RTL4: variants seen among roughly 807,000 people sequenced by gnomAD.
The protein encoded by RTL4 is retrotransposon Gag-like protein 4.
In RTL4, 4 loss-of-function variants were observed where a neutral mutation model predicts 5.3. The observed-to-expected ratio is 0.75, with a 90% CI of 0.37 to 1.72. The LOEUF (loss-of-function observed/expected upper bound fraction) is 1.72. RTL4 is among the 40% of genes most tolerant of loss of function. The pLI is 0.04. For missense variants in RTL4, 260 were observed against 227.1 expected, an observed-to-expected ratio of 1.14 and a Z score of -0.93; for synonymous variants, 98 against 87.3, an observed-to-expected ratio of 1.12 and a Z score of -0.68.
the RTL4 span, among the ~76,000 whole-genome samples, chrX:112,104,217 C>T: frequency 8.9e-6 from 1 of 112,331 alleles, no homozygotes; most frequent in East Asian, 2.8e-4. Flanking sequence ...CATGTTATCA[C>T]AAATGACAGG....
chrX:112,455,824 G>A, exon 1 of RTL4: 1 of 478,233 alleles, frequency 2.1e-6, no homozygotes, highest in Non-Finnish European at 3.3e-6. Context: ...CTTGTTCATT[G>A]GCAAATTACC....
At chrX:112,200,491 AATG>A in the RTL4 span, among the ~76,000 whole-genome samples, 1 of 112,153 alleles carries the variant, frequency 8.9e-6, no homozygotes, top group Non-Finnish European at 1.9e-5. Flanking sequence ...TGAGAGAATA[AATG>A]GCTTGAAGTT....
chrX:112,362,121 C>A, the RTL4 span, among the ~76,000 whole-genome samples: 1 of 112,080 alleles, frequency 8.9e-6, no homozygotes, highest in African/African-American at 3.2e-5. Flanking sequence ...GAAATGACAG[C>A]AACGATATCT....
chrX:112,287,089 G>A, the RTL4 span, among the ~76,000 whole-genome samples: 2 of 111,733 alleles, frequency 1.8e-5, no homozygotes, highest in African/African-American at 3.3e-5. Context: ...CAGGAAAAAC[G>A]TCTTACTTAT....
chrX:112,388,168 T>C, the RTL4 span, among the ~76,000 whole-genome samples: 2 of 112,228 alleles, frequency 1.8e-5, no homozygotes, highest in Non-Finnish European at 3.8e-5. Flanking sequence ...TATTTTATTT[T>C]TGTGGCAATT....
chrX:112,361,906 T>C, the RTL4 span, among the ~76,000 whole-genome samples: 1 of 111,546 alleles, frequency 9.0e-6, no homozygotes, highest in Non-Finnish European at 1.9e-5. Context: ...CAATTGGAAT[T>C]GACTAAATTC....
At chrX:112,088,066 G>A in the RTL4 span, among the ~76,000 whole-genome samples, 2 of 105,208 alleles carry the variant, frequency 1.9e-5, no homozygotes, top group East Asian at 3.0e-4. Flanking sequence ...GTCCAGGCAC[G>A]TCTCAAACTC....
the RTL4 span, among the ~76,000 whole-genome samples, chrX:112,390,137 ATATATATATATATATATATATATT>A: frequency 4.9e-5 from 2 of 41,221 alleles, no homozygotes; most frequent in Admixed American, 3.2e-4. Context: ...ATATATATAT[ATATATATATATATATATATATATT>A]TAGGATCGTG....
chrX:112,250,577 C>T, the RTL4 span, among the ~76,000 whole-genome samples: 9 of 111,719 alleles, frequency 8.1e-5, no homozygotes, highest in Non-Finnish European at 1.7e-4. Context: ...TCCAGGATAG[C>T]GTCACATATA....
chrX:112,230,592 G>A, the RTL4 span, among the ~76,000 whole-genome samples: 194 of 112,303 alleles, frequency 1.7e-3, 1 homozygote, highest in African/African-American at 6.0e-3. Flanking sequence ...GAAATCACCC[G>A]TCTTCTGCAT....
chrX:112,107,190 A>G, the RTL4 span, among the ~76,000 whole-genome samples: 1 of 112,053 alleles, frequency 8.9e-6, no homozygotes, highest in East Asian at 2.8e-4. Flanking sequence ...TCACACAAGA[A>G]GAAACTCTAC....
the RTL4 span, among the ~76,000 whole-genome samples, chrX:112,087,562 C>A: frequency 1.8e-5 from 2 of 111,109 alleles, no homozygotes; most frequent in Non-Finnish European, 3.8e-5. Context: ...AGTTGGTGAG[C>A]CATGCTTTAT....
the RTL4 span, among the ~76,000 whole-genome samples, chrX:112,324,378 T>C: frequency 8.9e-6 from 1 of 112,034 alleles, no homozygotes; most frequent in Non-Finnish European, 1.9e-5. Flanking sequence ...TGCTTTTGTT[T>C]CCTAAGCTTT....
At chrX:112,165,654 T>C in the RTL4 span, among the ~76,000 whole-genome samples, 2 of 111,790 alleles carry the variant, frequency 1.8e-5, no homozygotes, top group Non-Finnish European at 3.8e-5. Context: ...ATATTCCCTG[T>C]ACTTTTTATT....
At chrX:112,093,992 C>T in the RTL4 span, among the ~76,000 whole-genome samples, 8 of 111,581 alleles carry the variant, frequency 7.2e-5, no homozygotes, top group Non-Finnish European at 1.1e-4. Flanking sequence ...CTAAGTTCAT[C>T]CTAAGAACAA....
chrX:112,107,512 T>A, the RTL4 span, among the ~76,000 whole-genome samples: 3 of 112,345 alleles, frequency 2.7e-5, no homozygotes, highest in African/African-American at 9.7e-5. Context: ...GTTGATGAAC[T>A]CATTCAATTT....
At chrX:112,315,874 C>T in the RTL4 span, among the ~76,000 whole-genome samples, 2 of 111,865 alleles carry the variant, frequency 1.8e-5, no homozygotes, top group Non-Finnish European at 3.8e-5. Context: ...AACTTCCTGC[C>T]TCCCTAGACA....
the RTL4 span, among the ~76,000 whole-genome samples, chrX:112,227,917 C>T: frequency 8.1e-5 from 9 of 111,214 alleles, no homozygotes; most frequent in African/African-American, 2.6e-4. Context: ...GACAAACTCT[C>T]TAGATTTTGC....
At chrX:112,168,138 T>C in the RTL4 span, among the ~76,000 whole-genome samples, 1 of 111,231 alleles carries the variant, frequency 9.0e-6, no homozygotes, top group Admixed American at 9.6e-5. Flanking sequence ...AATTGTTCTA[T>C]AAGGCTAAGC....
Sources: gnomAD v4.1 joint callset for allele counts (sites outside exome capture counted in the v4.1 genomes callset) on GRCh38, gnomAD v4.1.1 for gene constraint, MANE v1.5 for transcripts, NCBI Gene and HGNC (gene_info 2026-07-23, HGNC 2026-07-21) for gene names.